COX16: variants seen among roughly 807,000 people sequenced by gnomAD.
The protein encoded by COX16 is cytochrome c oxidase assembly protein COX16 homolog, mitochondrial.
A neutral mutation model predicts 15.4 loss-of-function variants in COX16; 12 were observed. The observed-to-expected ratio is 0.78, with a 90% CI of 0.50 to 1.26. The LOEUF (loss-of-function observed/expected upper bound fraction) is 1.26. Ranked by LOEUF, COX16 falls within the 50% of genes most tolerant of loss-of-function variation. The pLI is 0.00. For missense variants in COX16, 124 were observed against 127.6 expected (o/e 0.97, Z 0.14); for synonymous variants, 46 against 41.1 (o/e 1.12, Z -0.46).
intron 1 of COX16, among the ~76,000 whole-genome samples, chr14:70,345,623 G>A (rs1417695203): frequency 2.0e-5 from 3 of 152,132 alleles, no homozygotes; most frequent in Non-Finnish European, 4.4e-5. Context: ...CCTGCAAATA[G>A]AACATTCAAC....
chr14:70,331,257 C>T (rs372589933), intron 2 of COX16, among the ~76,000 whole-genome samples: 2 of 152,152 alleles, frequency 1.3e-5, no homozygotes, highest in Non-Finnish European at 2.9e-5. Flanking sequence ...CCACCTGCCT[C>T]GGCCTCGCAA....
At chr14:70,356,759 A>C (rs550093286) in intron 1 of COX16, among the ~76,000 whole-genome samples, 44 of 36,034 alleles carry the variant, frequency 1.2e-3, no homozygotes, top group African/African-American at 3.0e-3. Context: ...CCTTTCCTCC[A>C]CAAAAACGAG....
chr14:70,341,178 C>T lies in COX16; in HGVS notation c.141+1480G>A, dbSNP rs2332423. Among the ~76,000 whole-genome samples the T allele has an allele frequency of 7.5e-3, 1,145 of 152,220 alleles. 55 individuals are homozygous for T. Among genetic ancestry groups the T allele is most frequent in the Admixed American group, 0.07 (1,064 of 15,286 alleles). On this transcript the variant is annotated intron_variant, in intron 2 of 3. Transcript: ENST00000389912. ...CTTGATAAAATAATTGGGATGCTAA[C>T]TGAAAGCTTTTAACACAGTTAAATT...
chr14:70,349,755 C>T (rs187247347), intron 1 of COX16, among the ~76,000 whole-genome samples: 111 of 152,274 alleles, frequency 7.3e-4, no homozygotes, highest in African/African-American at 2.6e-3. Context: ...GTCTTGGGGC[C>T]TCCACCCTTA....
At chr14:70,350,123 T>C (rs968418294) in intron 1 of COX16, among the ~76,000 whole-genome samples, 13 of 152,060 alleles carry the variant, frequency 8.5e-5, no homozygotes, top group African/African-American at 2.9e-4. Context: ...GCCTGAAAGC[T>C]TAAGGAGATG....
intron 1 of COX16, chr14:70,359,277 ACAAG>A (rs1421933171): frequency 4.9e-6 from 3 of 613,356 alleles, no homozygotes; most frequent in Non-Finnish European, 9.1e-6. Flanking sequence ...CGCCACGCTC[ACAAG>A]CAGACAGATC....
intron 2 of COX16, among the ~76,000 whole-genome samples, chr14:70,339,641 A>G (rs1344943137): frequency 6.6e-6 from 1 of 152,068 alleles, no homozygotes; most frequent in Non-Finnish European, 1.5e-5. Flanking sequence ...TGCAACCACT[A>G]TCAGCCTCAA....
chr14:70,353,499 T>C (rs1187005949), intron 1 of COX16, among the ~76,000 whole-genome samples: 1 of 150,704 alleles, frequency 6.6e-6, no homozygotes, highest in Non-Finnish European at 1.5e-5. Flanking sequence ...TAGAGATAGA[T>C]AGATAGATAG....
intron 1 of COX16, among the ~76,000 whole-genome samples, chr14:70,349,203 C>T (rs138357465): frequency 5.9e-4 from 90 of 152,316 alleles, no homozygotes; most frequent in African/African-American, 2.2e-3. Flanking sequence ...CCCAGTCCTG[C>T]TCTATCTGCC....
Position 70,350,356 on chromosome 14 carries a change from G to A in COX16, c.70-7627C>T, listed in dbSNP as rs150800387. ...AAAACTTTCGTCCCGTCCTCACTTG[G>A]GGTTGACGCCATTTTAGGCCTCAGC... On this transcript the variant is annotated intron_variant, in intron 1 of 3. Transcript: ENST00000389912. Among the ~76,000 whole-genome samples, 297 of 152,196 alleles carry A rather than the reference G, an allele frequency of 2.0e-3. 1 individual carries two copies. Among genetic ancestry groups the A allele is most frequent in the African/African-American group, 7.0e-3 (290 of 41,534 alleles).
chr14:70,345,026 C>A (rs761165955), intron 1 of COX16, among the ~76,000 whole-genome samples: 3 of 152,192 alleles, frequency 2.0e-5, no homozygotes, highest in Admixed American at 6.5e-5. Context: ...CCAACCGATA[C>A]AAGAACCGTA....
chr14:70,332,894 A>G (rs1886335089), intron 2 of COX16, among the ~76,000 whole-genome samples: 1 of 152,358 alleles, frequency 6.6e-6, no homozygotes, highest in East Asian at 1.9e-4. Context: ...GTACCTGGTC[A>G]GCATTCCCAC....
At chr14:70,353,318 A>C (rs1887022017) in intron 1 of COX16, among the ~76,000 whole-genome samples, 1 of 149,888 alleles carries the variant, frequency 6.7e-6, no homozygotes, top group Admixed American at 6.7e-5. Flanking sequence ...ATCATTCTGA[A>C]GCTGAAAGAT....
In COX16 at chr14:70,329,212, GT is replaced by G. The variant is rs759241200; in HGVS notation, c.165del (p.Lys55AsnfsTer2). 5.7e-6 allele frequency: 9 copies of G among 1,566,718 alleles called. No homozygotes were observed. Among genetic ancestry groups the G allele is most frequent in the Admixed American group, 1.7e-5 (1 of 57,594 alleles). On this transcript the variant is annotated frameshift_variant, in exon 3 of 4. Coordinates refer to ENST00000389912, the MANE Select transcript of COX16 (RefSeq NM_016468.7). LOFTEE classifies it high-confidence loss of function. ...KSKMDPELEK[K>X]LKENKISLES... is the part of the protein sequence containing the mutation. Reference sequence around the variant, plus strand: ...TCTAAAGATATTTTATTCTCTTTCAGTTTTTTTTCAAGCTCAGGATCCATCT... The same window carrying G: ...TCTAAAGATATTTTATTCTCTTTCAGTTTTTTTCAAGCTCAGGATCCATCT...
rs751777869 is a variant in COX16, at chr14:70,326,415, T to C, written c.239A>G (p.Asn80Ser). The change falls in exon 4 of 4, where the codon AAT becomes AGT. Residue 80 changes from asparagine (N) to serine (S), a missense_variant. Coordinates refer to ENST00000389912, the MANE Select transcript of COX16 (RefSeq NM_016468.7). ...TTCCCAAGGCCTGGGTCCTCGAATA[T>C]TCTTCCAGTCATCAAACTTGGAGTC... ...IKDSKFDDWK[N>S]IRGPRPWEDP... The C allele has an allele frequency of 6.3e-7, 1 of 1,594,216 alleles. No individual in the cohort carries two copies. The highest frequency in any genetic ancestry group is 8.5e-7 in the Non-Finnish European group (1 of 1,171,544).
intron 1 of COX16, among the ~76,000 whole-genome samples, chr14:70,358,371 A>ATTTTTTTT (rs34871293): frequency 1.1e-5 from 1 of 94,076 alleles, no homozygotes; most frequent in African/African-American, 4.1e-5. Flanking sequence ...AAAAACAACA[A>ATTTTTTTT]TTTTTTTTTT....
intron 1 of COX16, among the ~76,000 whole-genome samples, chr14:70,350,482 T>C (rs1221693524): frequency 6.6e-6 from 1 of 151,966 alleles, no homozygotes; most frequent in Non-Finnish European, 1.5e-5. Flanking sequence ...ACAAGAACCT[T>C]ACAAATAGTC....
intron 2 of COX16, among the ~76,000 whole-genome samples, chr14:70,338,420 AT>A (rs1229148011): frequency 6.6e-6 from 1 of 152,062 alleles, no homozygotes; most frequent in African/African-American, 2.4e-5. Flanking sequence ...GCCCCAGAAG[AT>A]AATTTGAAAG....
chr14:70,335,683 T>C (rs34620351), intron 2 of COX16, among the ~76,000 whole-genome samples: 10,822 of 152,000 alleles, frequency 0.071, 559 homozygotes, highest in Non-Finnish European at 0.11. Flanking sequence ...CTATGTTCAT[T>C]TGTTTACCTT....
Sources: allele counts gnomAD v4.1 joint callset (sites outside exome capture counted in the v4.1 genomes callset), GRCh38; gene constraint gnomAD v4.1.1; transcripts MANE v1.5; gene names NCBI Gene and HGNC (gene_info 2026-07-23, HGNC 2026-07-21).